Variants in CNTNAP5 observed in about 807,000 individuals in gnomAD.
CNTNAP5 encodes contactin associated protein family member 5, also known as contactin-associated protein-like 5.
Under a neutral mutation model 150.2 loss-of-function variants are expected in CNTNAP5, and 72 were observed. The ratio of observed to expected loss-of-function variants is 0.48; its 90% CI spans 0.40 to 0.58. CNTNAP5 has a LOEUF of 0.58. CNTNAP5 is among the 20% of genes least tolerant of loss of function. The pLI, the probability that CNTNAP5 is intolerant of heterozygous loss-of-function variation, is 0.00. For synonymous variants in CNTNAP5, 672 were observed against 619.8 expected, an observed-to-expected ratio of 1.08 and a Z score of -1.25; for missense variants, 1,636 against 1,626.2, an observed-to-expected ratio of 1.01 and a Z score of -0.10.
intron 3 of CNTNAP5, among the ~76,000 whole-genome samples, chr2:124,272,500 G>A (rs1208480551): frequency 6.6e-6 from 1 of 152,144 alleles, no homozygotes; most frequent in Non-Finnish European, 1.5e-5. Context: ...CACCTCTTCA[G>A]AGGAGGGCAG....
At chr2:124,710,028 C>T (rs13020364) in intron 13 of CNTNAP5, among the ~76,000 whole-genome samples, 24,720 of 151,932 alleles carry the variant, frequency 0.16, 2,280 homozygotes, top group East Asian at 0.24. Flanking sequence ...AAAGTGGTCC[C>T]GGGTCTTACT....
chr2:124,319,706 G>A (rs1279232634), intron 3 of CNTNAP5, among the ~76,000 whole-genome samples: 1 of 152,062 alleles, frequency 6.6e-6, no homozygotes, highest in South Asian at 2.1e-4. Context: ...TATATTGCAG[G>A]ACATTTCACA....
At chr2:124,266,049 G>A (rs1299833180) in intron 3 of CNTNAP5, among the ~76,000 whole-genome samples, 2 of 152,044 alleles carry the variant, frequency 1.3e-5, no homozygotes, top group Non-Finnish European at 2.9e-5. Flanking sequence ...CCGTGGCTTT[G>A]AGCAAGTTGC....
chr2:124,073,589 C>T (rs1261817886), intron 1 of CNTNAP5, among the ~76,000 whole-genome samples: 6 of 152,018 alleles, frequency 3.9e-5, no homozygotes, highest in African/African-American at 1.4e-4. Context: ...TGAAAAGGTG[C>T]TCAGCATAAC....
chr2:124,346,492 G>A (rs1271365811), intron 3 of CNTNAP5, among the ~76,000 whole-genome samples: 8 of 152,086 alleles, frequency 5.3e-5, no homozygotes, highest in Non-Finnish European at 1.2e-4. Context: ...AATGCAAGAG[G>A]GTGATGCAGA....
Position 124,902,866 on chromosome 2 carries a change from A to T in CNTNAP5, c.3437-16A>T. On this transcript the variant is annotated splice_polypyrimidine_tract_variant and intron_variant, in intron 21 of 23. Transcript: ENST00000682447. The stretch of plus-strand genomic sequence containing the variant: ...CAAAAAAAGTAAAGGACTTCTGATT[A>T]TCTTTTACATTGCAGAGAATCTTGG... 1 of 1,581,196 alleles carries T rather than the reference A, an allele frequency of 6.3e-7. No homozygotes were observed. The highest frequency in any genetic ancestry group is 8.6e-7 in the Non-Finnish European group (1 of 1,156,688).
intron 10 of CNTNAP5, among the ~76,000 whole-genome samples, chr2:124,559,744 T>G (rs1179105119): frequency 6.6e-6 from 1 of 152,206 alleles, no homozygotes; most frequent in African/African-American, 2.4e-5. Context: ...AATGAGCTGA[T>G]TAAAGAATGT....
chr2:124,513,222 G>C (rs552102046), intron 8 of CNTNAP5, among the ~76,000 whole-genome samples: 1 of 152,134 alleles, frequency 6.6e-6, no homozygotes, highest in African/African-American at 2.4e-5. Context: ...GCTTGCAGAT[G>C]GTTGTCTTTT....
intron 3 of CNTNAP5, among the ~76,000 whole-genome samples, chr2:124,273,949 T>G (rs1687820773): frequency 1.3e-5 from 2 of 152,166 alleles, no homozygotes; most frequent in African/African-American, 4.8e-5. Context: ...GAGTCCACAT[T>G]TGTAGGCTGG....
rs575230820 is a variant in CNTNAP5, at chr2:124,284,463, G to A, written c.381+42070G>A. On this transcript the variant is annotated intron_variant, in intron 3 of 23. Transcript: ENST00000682447. ...CAACACACACTGACACCTCTCAGGA[G>A]GATGGGGGAAGGGAGAGCATCAGGA... Among the ~76,000 whole-genome samples, 9 of 152,202 alleles carry A rather than the reference G, an allele frequency of 5.9e-5. No homozygotes were observed. The South Asian group carries it at 1.9e-3, about 32-fold the overall frequency.
chr2:124,437,748 A>G (rs187907094), intron 5 of CNTNAP5, among the ~76,000 whole-genome samples: 35 of 152,280 alleles, frequency 2.3e-4, no homozygotes, highest in African/African-American at 7.5e-4. Context: ...TTTTAAAAAA[A>G]TGAATCAGAA....
chr2:124,186,144 C>T (rs1685327969), intron 1 of CNTNAP5, among the ~76,000 whole-genome samples: 1 of 152,094 alleles, frequency 6.6e-6, no homozygotes, highest in Non-Finnish European at 1.5e-5. Flanking sequence ...TAACAAGGTC[C>T]CCAGGTGATG....
At chr2:124,390,366 TACAGAAAGGGTTACCTTCCAGC>T (rs1437937406) in intron 3 of CNTNAP5, among the ~76,000 whole-genome samples, 1 of 152,232 alleles carries the variant, frequency 6.6e-6, no homozygotes, top group Non-Finnish European at 1.5e-5. Context: ...TCTTCCATGA[TACAGAAAGGGTTACCTTCCAGC>T]ACAGAATTAT....
chr2:124,066,238 A>C lies in CNTNAP5; in HGVS notation c.82+40506A>C, dbSNP rs569517502. On this transcript the variant is annotated intron_variant, in intron 1 of 23. Transcript: ENST00000682447. ...AAAGCATTATGGATACTCACACTAAAACTCTGGACTGTTTCTGTTTAATCC... is the reference window on the plus strand; with the variant it reads ...AAAGCATTATGGATACTCACACTAACACTCTGGACTGTTTCTGTTTAATCC... Among the ~76,000 whole-genome samples the C allele has an allele frequency of 1.2e-4, 19 of 152,280 alleles. No individual in the cohort carries two copies. In the South Asian group the frequency reaches 3.7e-3, roughly 30 times the overall value.
chr2:124,714,450 C>T (rs1679904351), intron 13 of CNTNAP5, among the ~76,000 whole-genome samples: 2 of 152,040 alleles, frequency 1.3e-5, no homozygotes, highest in Admixed American at 1.3e-4. Context: ...ACTAGCCCTT[C>T]AGTTTTGAGT....
chr2:124,855,234 A>T (rs1677343593), intron 19 of CNTNAP5, among the ~76,000 whole-genome samples: 1 of 130,976 alleles, frequency 7.6e-6, no homozygotes, highest in South Asian at 2.5e-4. Context: ...CTGGAGTGCA[A>T]TGGCACAATC....
At chr2:124,217,500 C>T (rs1328612192) in intron 1 of CNTNAP5, among the ~76,000 whole-genome samples, 3 of 152,114 alleles carry the variant, frequency 2.0e-5, no homozygotes, top group Non-Finnish European at 4.4e-5. Flanking sequence ...TGGGGTAGTA[C>T]TGACCCAGTC....
intron 1 of CNTNAP5, among the ~76,000 whole-genome samples, chr2:124,177,427 AG>A (rs1313803147): frequency 6.6e-6 from 1 of 152,164 alleles, no homozygotes; most frequent in Non-Finnish European, 1.5e-5. Flanking sequence ...TCTATCAGAA[AG>A]TGTGATGAGA....
At chr2:124,712,312 T>C (rs1374907015) in intron 13 of CNTNAP5, among the ~76,000 whole-genome samples, 1 of 152,196 alleles carries the variant, frequency 6.6e-6, no homozygotes, top group Non-Finnish European at 1.5e-5. Context: ...CCTCATTTAA[T>C]CCTCACAACA....
Sources: allele counts gnomAD v4.1 joint callset (sites outside exome capture counted in the v4.1 genomes callset), GRCh38; gene constraint gnomAD v4.1.1; transcripts MANE v1.5; gene names NCBI Gene and HGNC (gene_info 2026-07-23, HGNC 2026-07-21).